Variants in ELAPOR2 observed in about 807,000 individuals in gnomAD.
ELAPOR2 encodes endosome/lysosome-associated apoptosis and autophagy regulator family member 2.
ELAPOR2 carries 89 observed loss-of-function variants against 120.7 expected under a neutral mutation model. The observed-to-expected ratio is 0.74, with a 90% confidence interval of 0.62 to 0.88. The LOEUF (loss-of-function observed/expected upper bound fraction) is 0.88. ELAPOR2 is among the 40% of genes least tolerant of loss of function. The probability of loss-of-function intolerance (pLI) is 0.00; values close to 1 mark genes in which losing one functional copy is unlikely to be tolerated. For missense variants in ELAPOR2, 1,134 were observed against 1,251.6 expected, an observed-to-expected ratio of 0.91 and a Z score of 1.42; for synonymous variants, 444 against 444.9, an observed-to-expected ratio of 1.00 and a Z score of 0.03.
chr7:86,903,856 A>T (rs1406001899), intron 18 of ELAPOR2, among the ~76,000 whole-genome samples: 1 of 152,222 alleles, frequency 6.6e-6, no homozygotes, highest in Non-Finnish European at 1.5e-5. Flanking sequence ...AACTGGTGGC[A>T]TCAATAAAGA....
intron 1 of ELAPOR2, among the ~76,000 whole-genome samples, chr7:87,034,699 C>T (rs894241157): frequency 6.6e-6 from 1 of 152,206 alleles, no homozygotes; most frequent in East Asian, 1.9e-4. Flanking sequence ...TCTTTCTGCT[C>T]TTAACGTTAG....
intron 18 of ELAPOR2, among the ~76,000 whole-genome samples, chr7:86,901,050 T>C (rs1388178882): frequency 1.3e-5 from 2 of 152,224 alleles, no homozygotes; most frequent in South Asian, 4.1e-4. Context: ...TTTTGGTTTA[T>C]GCAATCACCA....
rs1789383577 is a variant in ELAPOR2 at position 86,912,946 on chromosome 7, T to C, written c.1990A>G (p.Asn664Asp). 6.2e-7 allele frequency: 1 copy of C among 1,613,798 alleles called. No homozygotes were observed. Among genetic ancestry groups the C allele is most frequent in the Admixed American group, 1.7e-5 (1 of 59,998 alleles). ...CIPCGPGSKN[N>D]QDHSVCYSDC... ...TGAAATGCAGACCCACTTACCTGAT[T>C]GTTTTTACTCCCAGGCCCGCATGGA... Residue 664 changes from asparagine (N) to aspartate (D), a missense_variant, in exon 14 of 22, where the codon AAT (asparagine) becomes GAT (aspartate). Coordinates refer to ENST00000450689, the MANE Select transcript of ELAPOR2 (RefSeq NM_001142749.3).
chr7:86,989,117 GACTA>G (rs1792856274), intron 1 of ELAPOR2, among the ~76,000 whole-genome samples: 1 of 152,024 alleles, frequency 6.6e-6, no homozygotes, highest in South Asian at 2.1e-4. Flanking sequence ...AACACATGAA[GACTA>G]ACCAATCATC....
chr7:86,991,746 A>G (rs538032900), intron 1 of ELAPOR2, among the ~76,000 whole-genome samples: 1 of 152,310 alleles, frequency 6.6e-6, no homozygotes, highest in African/African-American at 2.4e-5. Context: ...CTTGGCTTCC[A>G]TCCTCCAGGT....
intron 8 of ELAPOR2, among the ~76,000 whole-genome samples, chr7:86,935,865 A>C (rs1244019802): frequency 6.6e-6 from 1 of 152,192 alleles, no homozygotes; most frequent in African/African-American, 2.4e-5. Context: ...AGAATCTCTT[A>C]ATTAGGATTA....
At chr7:86,888,729 A>T (rs959277717) in intron 21 of ELAPOR2, among the ~76,000 whole-genome samples, 8 of 152,114 alleles carry the variant, frequency 5.3e-5, no homozygotes, top group African/African-American at 1.7e-4. Flanking sequence ...AGTTGAGCTG[A>T]CTTCCCTCAA....
chr7:87,040,761 G>C (rs1482388284), intron 1 of ELAPOR2, among the ~76,000 whole-genome samples: 1 of 152,238 alleles, frequency 6.6e-6, no homozygotes, highest in Admixed American at 6.5e-5. Context: ...AAGCTGGATG[G>C]AGAATGACTT....
intron 5 of ELAPOR2, chr7:86,941,414 TC>T (rs757121612): frequency 3.8e-6 from 2 of 521,774 alleles, no homozygotes; most frequent in Non-Finnish European, 8.0e-6. Context: ...TTACTTTACT[TC>T]ATGTAACCAG....
chr7:87,024,364 G>A (rs188412626), intron 1 of ELAPOR2, among the ~76,000 whole-genome samples: 26 of 152,182 alleles, frequency 1.7e-4, no homozygotes, highest in Admixed American at 3.3e-4. Flanking sequence ...GCTGGATTAC[G>A]TTTATTGATT....
chr7:86,967,993 G>C (rs1791975708), intron 1 of ELAPOR2, among the ~76,000 whole-genome samples: 1 of 152,166 alleles, frequency 6.6e-6, no homozygotes, highest in South Asian at 2.1e-4. Flanking sequence ...TATTTAACAG[G>C]CTACTTCATT....
intron 1 of ELAPOR2, among the ~76,000 whole-genome samples, chr7:87,049,413 C>A (rs1034969023): frequency 6.6e-6 from 1 of 152,150 alleles, no homozygotes; most frequent in Non-Finnish European, 1.5e-5. Flanking sequence ...TCCCGAGCAG[C>A]TGGAACCACA....
rs998695249 is a variant in ELAPOR2, at chr7:86,877,572, A to G, written c.*2899T>C. 2.0e-5 allele frequency: 3 copies of G among 152,180 alleles called. No homozygotes were observed. The highest frequency in any genetic ancestry group is 4.4e-5 in the Non-Finnish European group (3 of 68,036). 9.4% of individuals were successfully genotyped at this position (152,180 alleles called of 1,614,324 possible). On this transcript the variant is annotated 3_prime_UTR_variant, in exon 22 of 22. Transcript: ENST00000450689. ...AGAGAAATTTATTTCTATGAGGAAG[A>G]GAGAAATTATGTACACATTAGCCTC...
chr7:87,045,970 A>G (rs1794941321), intron 1 of ELAPOR2, among the ~76,000 whole-genome samples: 2 of 151,990 alleles, frequency 1.3e-5, no homozygotes, highest in African/African-American at 4.8e-5. Context: ...TCAGATAAGA[A>G]AAAGAAAAAA....
Position 86,909,988 on chromosome 7 carries a change from G to T in ELAPOR2, c.2183C>A (p.Ala728Asp). The T allele has an allele frequency of 1.2e-6, 2 of 1,605,902 alleles. No individual in the cohort carries two copies. The highest frequency in any genetic ancestry group is 1.7e-6 in the Non-Finnish European group (2 of 1,176,824). ...SLCGHEGKKM[A>D]LCTNNITDFT... ...GTCTGTTATATTGTTGGTACAGAGA[G>T]CCATCTTCTTCCCCTAGGAAAATAA... Residue 728 changes from alanine (A) to aspartate (D), a missense_variant, in exon 16 of 22, where the codon GCT becomes GAT. Transcript: ENST00000450689.
At position 86,880,379 on chromosome 7, in the gene ELAPOR2, T is replaced by C; in HGVS notation, c.*92A>G. The C allele has an allele frequency of 3.4e-6, 3 of 894,692 alleles. No homozygotes were observed. In the Admixed American group the frequency reaches 6.1e-5, roughly 18 times the overall value. The allele number at this position is 894,692 out of a possible 1,614,324, so 55.4% of individuals were successfully genotyped here. ...GCCCTCCTCTGTGAGATCACCAATG[T>C]GACAGGTATGAGGACAGACCCTAAA... On this transcript the variant is annotated 3_prime_UTR_variant, in exon 22 of 22. Transcript: ENST00000450689.
At chr7:87,010,403 A>G (rs1421736761) in intron 1 of ELAPOR2, among the ~76,000 whole-genome samples, 1 of 152,212 alleles carries the variant, frequency 6.6e-6, no homozygotes, top group Non-Finnish European at 1.5e-5. Flanking sequence ...ACACAGAACT[A>G]AAATTATAGG....
Position 87,059,306 on chromosome 7 carries a change from A to C in ELAPOR2, c.189+19T>G. ...CCCTCCCCCAGCAAACTCCAGGTAG[A>C]GGACCAGGTGCTGCTCACCTCCTGG... On this transcript the variant is annotated intron_variant, in intron 1 of 21. Transcript: ENST00000450689. 8.0e-7 allele frequency: 1 copy of C among 1,247,836 alleles called. No individual in the cohort carries two copies. Among genetic ancestry groups the C allele is most frequent in the South Asian group, 4.1e-5 (1 of 24,412 alleles). The allele number at this position is 1,247,836 out of a possible 1,614,324, so 77.3% of individuals were successfully genotyped here. A position where few individuals can be genotyped will look rare whatever the true frequency, so the allele number is the denominator to read the frequency against.
chr7:87,015,681 G>A (rs1000435113), intron 1 of ELAPOR2, among the ~76,000 whole-genome samples: 3 of 151,980 alleles, frequency 2.0e-5, no homozygotes, highest in Admixed American at 6.6e-5. Flanking sequence ...CCAGCTACTC[G>A]GGAGGCTGAG....
Sources: allele counts gnomAD v4.1 joint callset (sites outside exome capture counted in the v4.1 genomes callset), GRCh38; gene constraint gnomAD v4.1.1; transcripts MANE v1.5; gene names NCBI Gene and HGNC (gene_info 2026-07-23, HGNC 2026-07-21).